Variants in GFOD1 observed in about 807,000 individuals in gnomAD.
GFOD1 encodes Gfo/Idh/MocA-like oxidoreductase domain containing 1.
Under a neutral mutation model 25.4 loss-of-function variants are expected in GFOD1, and 9 were observed. That is an observed-to-expected ratio of 0.35 (90% CI 0.21 to 0.62). GFOD1 has a LOEUF of 0.62. Ranked by LOEUF, GFOD1 falls within the 20% of genes least tolerant of loss-of-function variation. GFOD1 has a pLI of 0.72. For missense variants in GFOD1, 403 were observed against 556.9 expected (o/e 0.72, Z 2.78); for synonymous variants, 253 against 245.6 (o/e 1.03, Z -0.28).
At chr6:13,442,777 C>A (rs1445124028) in intron 1 of GFOD1, among the ~76,000 whole-genome samples, 3 of 152,190 alleles carry the variant, frequency 2.0e-5, no homozygotes, top group African/African-American at 7.2e-5. Context: ...CCTCTCGAAC[C>A]ATTACTGCTT....
chr6:13,360,413 AG>A lies in GFOD1; in HGVS notation c.*4329del. The A allele has an allele frequency of 9.0e-6, 3 of 334,818 alleles. No individual in the cohort carries two copies. Among genetic ancestry groups the A allele is most frequent in the South Asian group, 6.9e-5 (3 of 43,254 alleles). 20.7% of individuals were successfully genotyped at this position (334,818 alleles called of 1,614,324 possible). ...ATGAAGAGAGTAGGGGTGCAAAGAA[AG>A]GTGCAGTGCACAGCTAAAATTGGAG... On this transcript the variant is annotated 3_prime_UTR_variant, in exon 2 of 2. Transcript: ENST00000379287.
Position 13,366,333 on chromosome 6 carries a change from C to T in GFOD1, c.254-671G>A, listed in dbSNP as rs1032086607. Among the ~76,000 whole-genome samples the T allele has an allele frequency of 2.0e-5, 3 of 151,954 alleles. No homozygotes were observed. In the South Asian group the frequency reaches 6.2e-4, roughly 32 times the overall value. On this transcript the variant is annotated intron_variant, in intron 1 of 1. Coordinates refer to ENST00000379287, the MANE Select transcript of GFOD1 (RefSeq NM_018988.4). The stretch of plus-strand genomic sequence containing the variant: ...GTAGCTAAGACAGTAGGTGCCACCA[C>T]ACCTAGCTAAACTTTTTTTTGAGAT...
chr6:13,365,203 T>A lies in GFOD1; in HGVS notation c.713A>T (p.Asn238Ile), dbSNP rs760800643. The A allele has an allele frequency of 6.2e-7, 1 of 1,614,022 alleles. No individual in the cohort carries two copies. Among genetic ancestry groups the A allele is most frequent in the South Asian group, 1.1e-5 (1 of 91,082 alleles). ...EGGVCCTVTL[N>I]FNVPGEFKQD... is the part of the protein sequence containing the mutation. ...CTTGAACTCGCCGGGCACGTTGAAG[T>A]TGAGGGTGACGGTGCAGCACACCCC... The change falls in exon 2 of 2, where the codon AAC becomes ATC. Residue 238 changes from asparagine to isoleucine, a missense_variant. Physicochemically the swap from Asn to Ile is moderately radical, Grantham distance 149. Coordinates refer to ENST00000379287, the MANE Select transcript of GFOD1 (RefSeq NM_018988.4). The surrounding 1 kb of genome is among the most constrained non-coding windows in gnomAD (Gnocchi z 9.2).
At chr6:13,444,867 A>G (rs896378567) in intron 1 of GFOD1, among the ~76,000 whole-genome samples, 3 of 152,234 alleles carry the variant, frequency 2.0e-5, no homozygotes, top group African/African-American at 7.2e-5. Context: ...GCCTATACAT[A>G]TTGCAAAACA....
chr6:13,432,199 T>C (rs993345660), intron 1 of GFOD1, among the ~76,000 whole-genome samples: 1 of 152,092 alleles, frequency 6.6e-6, no homozygotes, highest in African/African-American at 2.4e-5. Flanking sequence ...ACCAGATTTC[T>C]TCCTGGTTAA....
chr6:13,415,361 A>C (rs1316901687), intron 1 of GFOD1, among the ~76,000 whole-genome samples: 2 of 151,950 alleles, frequency 1.3e-5, no homozygotes, highest in African/African-American at 4.8e-5. Context: ...TTCAACATCA[A>C]TGTCCCTTCT....
At chr6:13,451,805 C>T (rs777920852) in intron 1 of GFOD1, among the ~76,000 whole-genome samples, 2 of 152,296 alleles carry the variant, frequency 1.3e-5, no homozygotes, top group Middle Eastern at 3.4e-3. Context: ...AAATGCACCA[C>T]GGGAGTGAGG....
chr6:13,453,156 CA>C (rs1455399045), intron 1 of GFOD1, among the ~76,000 whole-genome samples: 1 of 152,180 alleles, frequency 6.6e-6, no homozygotes, highest in Admixed American at 6.5e-5. Flanking sequence ...TTTTGTTTTT[CA>C]AATTCAGAAT....
At chr6:13,419,318 G>A (rs1047681703) in intron 1 of GFOD1, among the ~76,000 whole-genome samples, 3 of 152,226 alleles carry the variant, frequency 2.0e-5, no homozygotes, top group African/African-American at 7.2e-5. Flanking sequence ...GGGAAGGAAG[G>A]ATGCCAGAGG....
At chr6:13,369,958 T>C (rs1281649455) in intron 1 of GFOD1, among the ~76,000 whole-genome samples, 1 of 112,534 alleles carries the variant, frequency 8.9e-6, no homozygotes, top group Non-Finnish European at 2.1e-5. Context: ...TTTTATTTTC[T>C]TCACATTTTT....
chr6:13,466,270 T>C (rs546109576), intron 1 of GFOD1, among the ~76,000 whole-genome samples: 1 of 152,216 alleles, frequency 6.6e-6, no homozygotes, highest in East Asian at 1.9e-4. Flanking sequence ...AGTTAGAAGA[T>C]AATAGACAGA....
At chr6:13,452,346 T>A (rs1291665830) in intron 1 of GFOD1, among the ~76,000 whole-genome samples, 1 of 152,184 alleles carries the variant, frequency 6.6e-6, no homozygotes, top group Non-Finnish European at 1.5e-5. Flanking sequence ...ATGCCAGTTC[T>A]TAGGAACCAC....
rs1370456405 is a variant in GFOD1, at chr6:13,430,985, G to A, written c.253+55653C>T. ...ATATTCACTGCCATATTTATACATC[G>A]GGAAACCGAGGCATAAAGAAAGCAG... On this transcript the variant is annotated intron_variant, in intron 1 of 1. Transcript: ENST00000379287. The surrounding 1 kb of genome is among the most constrained non-coding windows in gnomAD (Gnocchi z 4.1). 3.9e-5 allele frequency among the ~76,000 whole-genome samples: 6 copies of A among 152,186 alleles called. No homozygotes were observed. The highest frequency in any genetic ancestry group is 6.5e-5 in the Admixed American group (1 of 15,286).
At chr6:13,436,931 G>A (rs1277757331) in intron 1 of GFOD1, among the ~76,000 whole-genome samples, 3 of 152,200 alleles carry the variant, frequency 2.0e-5, no homozygotes, top group Non-Finnish European at 4.4e-5. Flanking sequence ...AGAGCTTTGT[G>A]CAGAGCCAGC....
chr6:13,413,455 C>T (rs1228535493), intron 1 of GFOD1, among the ~76,000 whole-genome samples: 1 of 152,154 alleles, frequency 6.6e-6, no homozygotes, highest in African/African-American at 2.4e-5. Context: ...AGAAGAGGTC[C>T]GATCCAAGAA....
chr6:13,423,918 G>A (rs1786305682), intron 1 of GFOD1, among the ~76,000 whole-genome samples: 1 of 152,146 alleles, frequency 6.6e-6, no homozygotes, highest in Non-Finnish European at 1.5e-5. Context: ...GAGTGTGATG[G>A]CGTGATTGTG....
chr6:13,387,351 C>A (rs1289494025), intron 1 of GFOD1, among the ~76,000 whole-genome samples: 1 of 152,122 alleles, frequency 6.6e-6, no homozygotes, highest in Non-Finnish European at 1.5e-5. Flanking sequence ...TGATGAACAT[C>A]GATGCAAAAA....
In GFOD1 at chr6:13,360,908, A is replaced by G; in HGVS notation, c.*3835T>C. The G allele has an allele frequency of 2.2e-6, 1 of 454,496 alleles. No individual in the cohort carries two copies. Among genetic ancestry groups the G allele is most frequent in the South Asian group, 1.6e-5 (1 of 64,492 alleles). 28.2% of individuals were successfully genotyped at this position (454,496 alleles called of 1,614,324 possible). ...GAGGCAGTGTGGTCTGGAGGAGAAG[A>G]TTAAGGATTTGAATGACCTCATTTC... is the stretch of plus-strand genomic sequence containing the variant. On this transcript the variant is annotated 3_prime_UTR_variant, in exon 2 of 2. Coordinates refer to ENST00000379287, the MANE Select transcript of GFOD1 (RefSeq NM_018988.4).
At chr6:13,379,968 G>GA (rs1785327859) in intron 1 of GFOD1, among the ~76,000 whole-genome samples, 2 of 152,192 alleles carry the variant, frequency 1.3e-5, no homozygotes, top group African/African-American at 4.8e-5. Flanking sequence ...TGTAAAACTG[G>GA]AATAATAACA....
Sources: allele counts gnomAD v4.1 joint callset (sites outside exome capture counted in the v4.1 genomes callset), GRCh38; gene constraint gnomAD v4.1.1; non-coding constraint Gnocchi (gnomAD v3.1); transcripts MANE v1.5; gene names NCBI Gene and HGNC (gene_info 2026-07-23, HGNC 2026-07-21).